The following GRID2 variants were observed in gnomAD, a reference collection of about 807,000 sequenced individuals.
The protein encoded by GRID2 is glutamate receptor ionotropic, delta-2.
In GRID2, 33 loss-of-function variants were observed where a neutral mutation model predicts 114.8. That is an observed-to-expected ratio of 0.29 (90% CI 0.22 to 0.38). GRID2 has a LOEUF of 0.38. Ranked by LOEUF, GRID2 falls within the 10% of genes least tolerant of loss-of-function variation. GRID2 has a pLI of 1.00. For missense variants in GRID2, 1,184 were observed against 1,257.7 expected, an observed-to-expected ratio of 0.94 and a Z score of 0.89; for synonymous variants, 505 against 449.9, an observed-to-expected ratio of 1.12 and a Z score of -1.55.
At chr4:92,946,606 A>T (rs1424411775) in intron 2 of GRID2, among the ~76,000 whole-genome samples, 1 of 152,032 alleles carries the variant, frequency 6.6e-6, no homozygotes, top group African/African-American at 2.4e-5. Flanking sequence ...CATATTACTC[A>T]GCAATATTGG....
chr4:93,302,701 T>C (rs562061557), intron 8 of GRID2: 2 of 417,042 alleles, frequency 4.8e-6, no homozygotes, highest in African/African-American at 4.1e-5. Context: ...TTATTGAAAG[T>C]GGCTATTATG....
At chr4:92,725,010 G>A (rs972359355) in intron 2 of GRID2, among the ~76,000 whole-genome samples, 1 of 152,018 alleles carries the variant, frequency 6.6e-6, no homozygotes, top group African/African-American at 2.4e-5. Context: ...TAAGAATAAG[G>A]AGTTAGGGGG....
At chr4:93,604,361 C>T (rs952946904) in intron 13 of GRID2, among the ~76,000 whole-genome samples, 2 of 152,106 alleles carry the variant, frequency 1.3e-5, no homozygotes, top group Admixed American at 6.5e-5. Flanking sequence ...AGCCTGACAA[C>T]GTAGCTGAAT....
At chr4:92,773,845 A>G (rs2149353920) in intron 2 of GRID2, among the ~76,000 whole-genome samples, 1 of 152,190 alleles carries the variant, frequency 6.6e-6, no homozygotes, top group African/African-American at 2.4e-5. Context: ...TAATCCACAA[A>G]TGCTGCTAAA....
intron 13 of GRID2, among the ~76,000 whole-genome samples, chr4:93,541,485 G>A (rs1732648121): frequency 6.6e-6 from 1 of 152,062 alleles, no homozygotes; most frequent in Admixed American, 6.6e-5. Context: ...GTCAGGAAAA[G>A]AAAAATAAAT....
intron 8 of GRID2, among the ~76,000 whole-genome samples, chr4:93,394,919 AG>A (rs1402331331): frequency 6.6e-6 from 1 of 152,012 alleles, no homozygotes; most frequent in African/African-American, 2.4e-5. Flanking sequence ...AAAAACTGGT[AG>A]CCCTCAGATT....
intron 1 of GRID2, among the ~76,000 whole-genome samples, chr4:92,349,212 A>G (rs1368560256): frequency 6.6e-6 from 1 of 152,062 alleles, no homozygotes; most frequent in Admixed American, 6.6e-5. Context: ...AACATGGAAA[A>G]TAACACAATT....
rs5860312 is a variant in GRID2 at position 93,206,591 on chromosome 4, T to TACACACACAC, written c.736-784_736-775dup. On this transcript the variant is annotated intron_variant, in intron 4 of 15. Coordinates refer to ENST00000282020, the MANE Select transcript of GRID2 (RefSeq NM_001510.4). Reference sequence around the variant, plus strand: ...ACCTTCATATAGAAACTGCCCCTACTACACACACACACACACACACACACA... The same window carrying TACACACACAC: ...ACCTTCATATAGAAACTGCCCCTACTACACACACACACACACACACACACACACACACACA... Among the ~76,000 whole-genome samples the TACACACACAC allele has an allele frequency of 7.1e-3, 1,020 of 143,018 alleles. 10 individuals are homozygous for TACACACACAC. Among genetic ancestry groups the TACACACACAC allele is most frequent in the African/African-American group, 0.015 (595 of 39,084 alleles). The allele number at this position is 143,018 out of a possible 152,430, so 93.8% of individuals were successfully genotyped here.
At chr4:93,614,053 C>G (rs967124641) in intron 13 of GRID2, among the ~76,000 whole-genome samples, 3 of 152,004 alleles carry the variant, frequency 2.0e-5, no homozygotes, top group African/African-American at 4.8e-5. Flanking sequence ...GCGCAATATT[C>G]GGGTGGGAGT....
At chr4:93,553,051 G>A (rs1489212769) in intron 13 of GRID2, among the ~76,000 whole-genome samples, 2 of 152,118 alleles carry the variant, frequency 1.3e-5, no homozygotes, top group African/African-American at 2.4e-5. Context: ...ATTTGGGTTG[G>A]TTCCAAGTCT....
chr4:93,677,188 T>A (rs1241952441), intron 14 of GRID2, among the ~76,000 whole-genome samples: 2 of 152,038 alleles, frequency 1.3e-5, no homozygotes, highest in Non-Finnish European at 2.9e-5. Context: ...AACACAGCAG[T>A]CTGAGATCAA....
chr4:92,416,858 TTTGCTTAGTC>T (rs902358300), intron 1 of GRID2, among the ~76,000 whole-genome samples: 20 of 152,202 alleles, frequency 1.3e-4, no homozygotes, highest in African/African-American at 4.6e-4. Flanking sequence ...ATTTGTTCTT[TTTGCTTAGTC>T]TTGCTTTAGC....
chr4:93,317,986 AATATATATATATAT>A (rs58755199), intron 8 of GRID2, among the ~76,000 whole-genome samples: 33 of 100,916 alleles, frequency 3.3e-4, no homozygotes, highest in South Asian at 6.9e-4. Flanking sequence ...TTAAAAGTGA[AATATATATATATAT>A]ATATATATAT....
chr4:93,438,655 G>A (rs963331940), intron 10 of GRID2, among the ~76,000 whole-genome samples: 1 of 152,122 alleles, frequency 6.6e-6, no homozygotes, highest in Admixed American at 6.6e-5. Context: ...AAAAGAATGA[G>A]TCTGAGGAAA....
At chr4:92,598,978 C>T (rs1361841583) in intron 2 of GRID2, among the ~76,000 whole-genome samples, 3 of 151,176 alleles carry the variant, frequency 2.0e-5, no homozygotes, top group Admixed American at 6.6e-5. Flanking sequence ...ACTTTCCTTA[C>T]CAAGATTTTG....
At chr4:92,890,909 T>C (rs1746733037) in intron 2 of GRID2, among the ~76,000 whole-genome samples, 1 of 152,152 alleles carries the variant, frequency 6.6e-6, no homozygotes, top group African/African-American at 2.4e-5. Context: ...GTGGCACATA[T>C]ACACCATGGA....
At chr4:92,631,408 A>G (rs2149246247) in intron 2 of GRID2, among the ~76,000 whole-genome samples, 1 of 152,280 alleles carries the variant, frequency 6.6e-6, no homozygotes, top group Admixed American at 6.5e-5. Flanking sequence ...TGTAAATAAC[A>G]GGTTAGGTTC....
intron 2 of GRID2, among the ~76,000 whole-genome samples, chr4:93,028,211 A>G (rs1476693749): frequency 6.6e-6 from 1 of 152,188 alleles, no homozygotes; most frequent in Non-Finnish European, 1.5e-5. Context: ...AGGATACACC[A>G]AAAATTGTGT....
chr4:92,695,581 GA>G (rs895609512), intron 2 of GRID2, among the ~76,000 whole-genome samples: 22 of 149,300 alleles, frequency 1.5e-4, no homozygotes, highest in African/African-American at 4.2e-4. Flanking sequence ...GTGATAATGT[GA>G]AAAAAAAATA....
Sources: gnomAD v4.1 joint callset for allele counts (sites outside exome capture counted in the v4.1 genomes callset) on GRCh38, gnomAD v4.1.1 for gene constraint, MANE v1.5 for transcripts, NCBI Gene and HGNC (gene_info 2026-07-23, HGNC 2026-07-21) for gene names.